The following CARMIL1 variants were observed in gnomAD, a reference collection of about 807,000 sequenced individuals.
The protein encoded by CARMIL1 is capping protein regulator and myosin 1 linker 1, also known as F-actin-uncapping protein LRRC16A.
In CARMIL1, 90 loss-of-function variants were observed where a neutral mutation model predicts 177.1. The observed-to-expected ratio is 0.51, with a 90% CI of 0.43 to 0.61. The LOEUF is 0.61. Among genes scored for constraint, CARMIL1 ranks in the 20% least tolerant of loss-of-function variants. The pLI is 0.00. For synonymous variants in CARMIL1, 577 were observed against 606.2 expected, an observed-to-expected ratio of 0.95 and a Z score of 0.71; for missense variants, 1,380 against 1,667.0, an observed-to-expected ratio of 0.83 and a Z score of 3.00.
At chr6:25,459,241 T>TCTTTCTTTCTTTCTTTCTTCCTTC in intron 8 of CARMIL1, among the ~76,000 whole-genome samples, 1 of 98,050 alleles carries the variant, frequency 1.0e-5, no homozygotes, top group East Asian at 3.1e-4. Context: ...TTTCTTTCTT[T>TCTTTCTTTCTTTCTTTCTTCCTTC]CTTTCTTTCT....
intron 8 of CARMIL1, chr6:25,452,001 C>CCCCCCCCCCA: frequency 8.6e-6 from 2 of 232,314 alleles, no homozygotes; most frequent in Non-Finnish European, 1.8e-5. Context: ...CCCCTCCCCC[C>CCCCCCCCCCA]CCCAGAATAC....
In CARMIL1 at chr6:25,450,723, C is replaced by T. The variant is rs746908571; in HGVS notation, c.614+12C>T. On this transcript the variant is annotated intron_variant, in intron 8 of 36. Coordinates refer to ENST00000329474, the MANE Select transcript of CARMIL1 (RefSeq NM_017640.6). ...CATCTTGACCACAGGTAAGCTGCTT[C>T]CTTCCTTCTTTCCTCCTTTCCTCCC... is the stretch of plus-strand genomic sequence containing the variant. 8 of 1,546,824 alleles carry T rather than the reference C, an allele frequency of 5.2e-6. No homozygotes were observed. Among genetic ancestry groups the T allele is most frequent in the Admixed American group, 1.8e-5 (1 of 56,004 alleles).
chr6:25,426,489 C>A lies in CARMIL1; in HGVS notation c.190-12C>A. On this transcript the variant is annotated splice_polypyrimidine_tract_variant and intron_variant, in intron 3 of 36. Transcript: ENST00000329474. ...GCAGGTCTTTTCTTTCCTCCTTTCC[C>A]CTCAATTGCAGCTCGAGTTAACCTT... is the stretch of plus-strand genomic sequence containing the variant. 1 of 1,609,022 alleles carries A rather than the reference C, an allele frequency of 6.2e-7. No individual in the cohort carries two copies. Among genetic ancestry groups the A allele is most frequent in the Non-Finnish European group, 8.5e-7 (1 of 1,176,750 alleles).
At position 25,565,010 on chromosome 6, in the gene CARMIL1, C is replaced by T. The variant is rs537008543; in HGVS notation, c.2742+8160C>T. Among the ~76,000 whole-genome samples the T allele has an allele frequency of 3.9e-5, 6 of 152,150 alleles. No individual in the cohort carries two copies. In the East Asian group the frequency reaches 1.2e-3, roughly 29 times the overall value. The stretch of plus-strand genomic sequence containing the variant: ...TCATGCCTGGCACATACTAGGCCCT[C>T]AGTAGCTGCTGTTACAATGAGAGAT... On this transcript the variant is annotated intron_variant, in intron 29 of 36. Transcript: ENST00000329474.
chr6:25,430,359 A>G (rs1407241958), intron 4 of CARMIL1, among the ~76,000 whole-genome samples: 1 of 150,586 alleles, frequency 6.6e-6, no homozygotes, highest in East Asian at 1.9e-4. Context: ...AGATGGTATT[A>G]ATTTTTGTCT....
chr6:25,604,253 T>A (rs367979896), intron 33 of CARMIL1, among the ~76,000 whole-genome samples: 1 of 152,066 alleles, frequency 6.6e-6, no homozygotes, highest in South Asian at 2.1e-4. Context: ...AATTTTTCTA[T>A]TTTTTGCAGA....
chr6:25,539,178 C>T (rs929222657), intron 25 of CARMIL1, among the ~76,000 whole-genome samples: 1 of 151,862 alleles, frequency 6.6e-6, no homozygotes, highest in African/African-American at 2.4e-5. Flanking sequence ...TTATGGGAAC[C>T]CCTTGAATTT....
intron 2 of CARMIL1, among the ~76,000 whole-genome samples, chr6:25,357,494 G>T (rs1788752267): frequency 6.6e-6 from 1 of 152,204 alleles, no homozygotes; most frequent in South Asian, 2.1e-4. Context: ...TCAGGCATGA[G>T]AATCACTTGA....
chr6:25,407,444 G>A (rs879867087), intron 2 of CARMIL1, among the ~76,000 whole-genome samples: 1 of 152,070 alleles, frequency 6.6e-6, no homozygotes, highest in African/African-American at 2.4e-5. Context: ...AAGAGGAGGG[G>A]GTGGGTACAG....
At chr6:25,311,330 T>C (rs1417759368) in intron 2 of CARMIL1, among the ~76,000 whole-genome samples, 1 of 151,968 alleles carries the variant, frequency 6.6e-6, no homozygotes, top group Non-Finnish European at 1.5e-5. Flanking sequence ...GGAGAGGAGA[T>C]CACAGCAGTT....
At chr6:25,318,191 G>C (rs1051154647) in intron 2 of CARMIL1, among the ~76,000 whole-genome samples, 6 of 152,084 alleles carry the variant, frequency 3.9e-5, no homozygotes, top group Non-Finnish European at 8.8e-5. Flanking sequence ...CTTGACAGCT[G>C]TGCGCACAGT....
intron 4 of CARMIL1, among the ~76,000 whole-genome samples, chr6:25,427,465 G>A (rs1191468315): frequency 6.6e-6 from 1 of 152,132 alleles, no homozygotes; most frequent in Non-Finnish European, 1.5e-5. Flanking sequence ...CCTGATGTGA[G>A]GGACATTTGG....
At chr6:25,421,942 G>T (rs1261130195) in intron 3 of CARMIL1, among the ~76,000 whole-genome samples, 1 of 151,068 alleles carries the variant, frequency 6.6e-6, no homozygotes, top group African/African-American at 2.4e-5. Flanking sequence ...AATGGGTGCA[G>T]CACACCAACA....
chr6:25,482,476 C>T (rs1802215017), intron 12 of CARMIL1, 133 bp downstream of exon 12: 1 of 495,606 alleles, frequency 2.0e-6, no homozygotes, highest in Non-Finnish European at 3.5e-6. Flanking sequence ...TTATATTACT[C>T]TGGCAGTTTG....
At chr6:25,544,287 T>TAAA (rs1466088979) in intron 26 of CARMIL1, among the ~76,000 whole-genome samples, 1 of 151,934 alleles carries the variant, frequency 6.6e-6, no homozygotes, top group Non-Finnish European at 1.5e-5. Flanking sequence ...GCAGGATAGA[T>TAAA]AAAAGCAAAT....
At chr6:25,563,068 A>T in intron 29 of CARMIL1, 1 of 227,506 alleles carries the variant, frequency 4.4e-6, no homozygotes, top group Non-Finnish European at 7.3e-6. Context: ...AGTGAATTTT[A>T]ATTTTAACTG....
chr6:25,290,927 A>T (rs1781909411), intron 2 of CARMIL1, among the ~76,000 whole-genome samples: 1 of 152,134 alleles, frequency 6.6e-6, no homozygotes, highest in Non-Finnish European at 1.5e-5. Flanking sequence ...CAGCCTCTTG[A>T]GTAGCTGGGA....
Position 25,314,010 on chromosome 6 carries a change from T to TGGG in CARMIL1, c.138+29101_138+29102insGGG, listed in dbSNP as rs570908485. ...TTCTTTGTAGTCAGTCTTTTTCTAATTAAAGTGGGTAAGACATTTGAATAT... is the reference window on the plus strand; with the variant it reads ...TTCTTTGTAGTCAGTCTTTTTCTAATGGGTAAAGTGGGTAAGACATTTGAATAT... On this transcript the variant is annotated intron_variant, in intron 2 of 36. Coordinates refer to ENST00000329474, the MANE Select transcript of CARMIL1 (RefSeq NM_017640.6). Among the ~76,000 whole-genome samples, 40 of 151,566 alleles carry TGGG rather than the reference T, an allele frequency of 2.6e-4. No individual in the cohort carries two copies. The East Asian group carries it at 6.4e-3, about 24-fold the overall frequency.
intron 29 of CARMIL1, among the ~76,000 whole-genome samples, chr6:25,571,255 G>A (rs1265558167): frequency 1.3e-5 from 2 of 151,900 alleles, no homozygotes; most frequent in Admixed American, 6.6e-5. Flanking sequence ...CAGTTGAAAG[G>A]GCTTCACTGA....
Sources: allele counts gnomAD v4.1 joint callset (sites outside exome capture counted in the v4.1 genomes callset), GRCh38; gene constraint gnomAD v4.1.1; transcripts MANE v1.5; gene names NCBI Gene and HGNC (gene_info 2026-07-23, HGNC 2026-07-21).